The following DAAM2 variants were observed in gnomAD, a reference collection of about 807,000 sequenced individuals.
DAAM2 encodes the protein dishevelled associated activator of morphogenesis 2, also known as disheveled-associated activator of morphogenesis 2.
DAAM2 carries 39 observed loss-of-function variants against 120.7 expected under a neutral mutation model. The ratio of observed to expected loss-of-function variants is 0.32; its 90% CI spans 0.25 to 0.42. The LOEUF is 0.42. Among genes scored for constraint, DAAM2 ranks in the 10% least tolerant of loss-of-function variants. The pLI is 1.00. For synonymous variants in DAAM2, 488 were observed against 524.9 expected, an observed-to-expected ratio of 0.93 and a Z score of 0.96; for missense variants, 1,283 against 1,401.7, an observed-to-expected ratio of 0.92 and a Z score of 1.35.
In DAAM2 at chr6:39,904,600, GGGA is replaced by G. The variant is rs1346997934; in HGVS notation, c.*2568_*2570del. On this transcript the variant is annotated 3_prime_UTR_variant, in exon 25 of 25. Transcript: ENST00000274867. ...ATGGAAATAAAGTGTTTAGGGCAGTGGGAGGAGAAAATTCTCCAGGTGAATGGG... is the reference window on the plus strand; with the variant it reads ...ATGGAAATAAAGTGTTTAGGGCAGTGGGAGAAAATTCTCCAGGTGAATGGG... 16 of 454,146 alleles carry G rather than the reference GGGA, an allele frequency of 3.5e-5. No individual in the cohort carries two copies. Among genetic ancestry groups the G allele is most frequent in the Admixed American group, 2.8e-4 (12 of 42,560 alleles). The allele number at this position is 454,146 out of a possible 1,614,324, so 28.1% of individuals were successfully genotyped here.
intron 15 of DAAM2, chr6:39,886,208 G>C (rs926301141): frequency 2.6e-6 from 1 of 390,240 alleles, no homozygotes; most frequent in African/African-American, 2.1e-5. Context: ...TCTCCGCTTC[G>C]TTTGGCTTCT....
intron 1 of DAAM2, among the ~76,000 whole-genome samples, chr6:39,829,171 TC>T (rs1285455710): frequency 3.3e-5 from 5 of 152,240 alleles, no homozygotes; most frequent in Non-Finnish European, 5.9e-5. Flanking sequence ...AATTGGCATC[TC>T]TTCTTTGTAT....
chr6:39,877,855 G>A lies in DAAM2; in HGVS notation c.1302-348G>A, dbSNP rs140321375. 3.7e-3 allele frequency among the ~76,000 whole-genome samples: 563 copies of A among 152,346 alleles called. 3 individuals carry two copies. Among genetic ancestry groups the A allele is most frequent in the African/African-American group, 0.013 (544 of 41,578 alleles). On this transcript the variant is annotated intron_variant, in intron 11 of 24. Coordinates refer to ENST00000274867, the MANE Select transcript of DAAM2 (RefSeq NM_001201427.2). The stretch of plus-strand genomic sequence containing the variant: ...AAACCTATTTTACAAGGAGGTGCAA[G>A]TCATGATATAATTCTTGGGAGCCTG...
Position 39,879,333 on chromosome 6 carries a change from TC to T in DAAM2, c.1706del (p.Pro569GlnfsTer37). 2 of 975,542 alleles carry T rather than the reference TC, an allele frequency of 2.1e-6. No homozygotes were observed. The highest frequency in any genetic ancestry group is 2.6e-6 in the Non-Finnish European group (2 of 778,496). 60.4% of individuals were successfully genotyped at this position (975,542 alleles called of 1,614,324 possible). On this transcript the variant is annotated frameshift_variant, in exon 14 of 25. Coordinates refer to ENST00000274867, the MANE Select transcript of DAAM2 (RefSeq NM_001201427.2). LOFTEE classifies it high-confidence loss of function. ...CCCTTCCTCCCGGGGGACCCCCGAC[TC>T]CCCCAGGTGCCCCACCTTGCCTCGG... ...PPLPPGGPPT[P>X]PGAPPCLGMG...
At chr6:39,861,239 G>A in intron 3 of DAAM2, 4 of 608,188 alleles carry the variant, frequency 6.6e-6, no homozygotes, top group South Asian at 6.4e-5. Flanking sequence ...CTTAAAGCAG[G>A]ACCTGCTGCA....
intron 7 of DAAM2, among the ~76,000 whole-genome samples, 162 bp downstream of exon 7, chr6:39,869,095 A>G (rs1421761972): frequency 6.6e-6 from 1 of 152,128 alleles, no homozygotes; most frequent in East Asian, 1.9e-4. Context: ...GGACAGACCC[A>G]GAGCTGAGCT....
Position 39,896,850 on chromosome 6 carries a change from C to T in DAAM2, c.2380C>T (p.Arg794Cys), listed in dbSNP as rs200279541. The change falls in exon 20 of 25, where the codon CGT (arginine) becomes TGT (cysteine). Residue 794 changes from arginine to cysteine, a missense_variant. This residue lies in a region of DAAM2 where 748 missense variants were observed against 768.6 expected (regional missense o/e 0.97). Coordinates refer to ENST00000274867, the MANE Select transcript of DAAM2 (RefSeq NM_001201427.2). ...LASRELVRSK[R>C]LRQMLEVILA... ...CTCCCGGGAGCTGGTCCGCAGCAAG[C>T]GTCTTAGACAGATGCTAGAGGTCAT... 199 of 1,607,388 alleles carry T rather than the reference C, an allele frequency of 1.2e-4. No individual in the cohort carries two copies. The highest frequency in any genetic ancestry group is 1.7e-4 in the Middle Eastern group (1 of 6,052).
Position 39,867,646 on chromosome 6 carries a change from CA to C in DAAM2, c.566del (p.Gln189ArgfsTer16). Reference sequence around the variant, plus strand: ...CATCAAAGCATTGATGAACAACTCCCAGGGGCGGGCACATGTGCTGGCACAG... The same window carrying C: ...CATCAAAGCATTGATGAACAACTCCCGGGGCGGGCACATGTGCTGGCACAG... ...GCIKALMNNS[Q>X]GRAHVLAQPE... On this transcript the variant is annotated frameshift_variant, in exon 6 of 25. Transcript: ENST00000274867. LOFTEE classifies it high-confidence loss of function. The C allele has an allele frequency of 2.5e-6, 4 of 1,614,046 alleles. No individual in the cohort carries two copies. The highest frequency in any genetic ancestry group is 3.4e-6 in the Non-Finnish European group (4 of 1,179,896).
In DAAM2 at chr6:39,896,745, G is replaced by A. The variant is rs577034135; in HGVS notation, c.2342-67G>A. 75 of 1,386,224 alleles carry A rather than the reference G, an allele frequency of 5.4e-5. 1 individual carries two copies. In the South Asian group the frequency reaches 1.1e-3, roughly 21 times the overall value. The allele number at this position is 1,386,224 out of a possible 1,614,324, so 85.9% of individuals were successfully genotyped here. ...CTGAACTTTGCGGTGGCATCTTCCT[G>A]GGGTGCAATGAGAACTGCTGCCCTG... On this transcript the variant is annotated intron_variant, in intron 19 of 24. Coordinates refer to ENST00000274867, the MANE Select transcript of DAAM2 (RefSeq NM_001201427.2).
At chr6:39,841,378 G>C (rs75019550) in intron 1 of DAAM2, among the ~76,000 whole-genome samples, 10,280 of 143,524 alleles carry the variant, frequency 0.072, 896 homozygotes, top group East Asian at 0.32. Context: ...CCAGGGGGAG[G>C]GTTCCAGGGG....
At chr6:39,879,104 G>C in intron 13 of DAAM2, 74 bp from the exon 14 acceptor site, 1 of 938,228 alleles carries the variant, frequency 1.1e-6, no homozygotes, top group Non-Finnish European at 1.6e-6. Flanking sequence ...TAGAAGGAGA[G>C]GAATCATGGT....
chr6:39,859,762 A>G lies in DAAM2; in HGVS notation c.169-1166A>G, dbSNP rs553212882. Among the ~76,000 whole-genome samples the G allele has an allele frequency of 5.3e-5, 8 of 152,316 alleles. No individual in the cohort carries two copies. In the East Asian group the frequency reaches 1.5e-3, roughly 29 times the overall value. On this transcript the variant is annotated intron_variant, in intron 2 of 24. Transcript: ENST00000274867. The stretch of plus-strand genomic sequence containing the variant: ...TATTTCTTTTAAATTTTTTAATGTG[A>G]CTAGAAAAAATTGAAAATATATGTC...
Position 39,792,409 on chromosome 6 carries a change from C to A in DAAM2, c.-113C>A, listed in dbSNP as rs908858648. 6.6e-5 allele frequency: 10 copies of A among 152,186 alleles called. No individual in the cohort carries two copies. Among genetic ancestry groups the A allele is most frequent in the African/African-American group, 2.2e-4 (9 of 41,454 alleles). The allele number at this position is 152,186 out of a possible 1,614,324, so 9.4% of individuals were successfully genotyped here. On this transcript the variant is annotated 5_prime_UTR_variant, in exon 1 of 25. Transcript: ENST00000274867. The stretch of plus-strand genomic sequence containing the variant: ...GGAGCACGCAGCAGCGAGCGGAGCG[C>A]GGGCGGCGGCGCCGTACCTCGGGCT...
chr6:39,901,916 C>T lies in DAAM2; in HGVS notation c.3086C>T (p.Ala1029Val). ...EGGEFDDLVS[A>V]LRSGEVFDKD... is the part of the protein sequence containing the mutation. ...GGAGAGTTCGATGACCTGGTGTCGG[C>T]CCTGCGCTCTGGGGAGGTCTTCGAC... is the stretch of plus-strand genomic sequence containing the variant. The change falls in exon 25 of 25, where the codon GCC becomes GTC. Residue 1029 changes from alanine (A) to valine (V), a missense_variant. This residue lies in a region of DAAM2 where 748 missense variants were observed against 768.6 expected (regional missense o/e 0.97). Transcript: ENST00000274867. This position sits in a 1 kb window ranked among gnomAD's most constrained non-coding sequence, Gnocchi z 4.5. 6.2e-7 allele frequency: 1 copy of T among 1,610,190 alleles called. No homozygotes were observed. Among genetic ancestry groups the T allele is most frequent in the Non-Finnish European group, 8.5e-7 (1 of 1,177,080 alleles).
intron 1 of DAAM2, chr6:39,822,242 G>A (rs1023923057): frequency 1.3e-5 from 2 of 152,446 alleles, no homozygotes; most frequent in South Asian, 4.1e-4. Flanking sequence ...TCCTGGCCTT[G>A]AATGCTCAGG....
At chr6:39,868,191 T>C (rs750860409) in intron 6 of DAAM2, 11 of 309,950 alleles carry the variant, frequency 3.5e-5, no homozygotes, top group Non-Finnish European at 6.7e-5. Flanking sequence ...CAAGAATTAC[T>C]GAATTGAGTG....
chr6:39,800,339 T>G (rs554301366), intron 1 of DAAM2, among the ~76,000 whole-genome samples: 1 of 152,306 alleles, frequency 6.6e-6, no homozygotes, highest in Non-Finnish European at 1.5e-5. Flanking sequence ...CTATCAGGCA[T>G]CAGGCCCCTA....
chr6:39,860,596 G>A (rs1562032562), intron 2 of DAAM2, among the ~76,000 whole-genome samples: 1 of 152,304 alleles, frequency 6.6e-6, no homozygotes, highest in Admixed American at 6.5e-5. Flanking sequence ...ACCCCAGGGC[G>A]AGAGGATCAG....
At chr6:39,848,792 A>G (rs999212035) in intron 1 of DAAM2, 1 of 152,210 alleles carries the variant, frequency 6.6e-6, no homozygotes, top group African/African-American at 2.4e-5. Flanking sequence ...GGCTCACAGT[A>G]CAAGTCAGTC....
Sources: gnomAD v4.1 joint callset for allele counts (sites outside exome capture counted in the v4.1 genomes callset) on GRCh38, gnomAD v4.1.1 for gene constraint, gnomAD v4.1.1 regional missense constraint, Gnocchi (gnomAD v3.1) non-coding constraint, MANE v1.5 for transcripts, NCBI Gene and HGNC (gene_info 2026-07-23, HGNC 2026-07-21) for gene names.